The following ACTR3C variants were observed in gnomAD, a reference collection of about 807,000 sequenced individuals.
The protein encoded by ACTR3C is actin-related protein 3C.
In ACTR3C, 18 loss-of-function variants were observed where a neutral mutation model predicts 26.3. The ratio of observed to expected loss-of-function variants is 0.68; its 90% confidence interval spans 0.47 to 1.01. ACTR3C has a LOEUF of 1.01. ACTR3C is among the 50% of genes least tolerant of loss of function. ACTR3C has a pLI of 0.00. For missense variants in ACTR3C, 184 were observed against 250.7 expected (o/e 0.73, Z 1.80); for synonymous variants, 55 against 94.5 (o/e 0.58, Z 2.42).
the ACTR3C span, among the ~76,000 whole-genome samples, chr7:150,197,374 G>C: frequency 6.6e-6 from 1 of 152,150 alleles, no homozygotes; most frequent in Admixed American, 6.5e-5. Context: ...CGTCTGACTT[G>C]ATCTGAATCA....
the ACTR3C span, chr7:150,073,497 T>C: frequency 6.7e-6 from 1 of 148,494 alleles, no homozygotes; most frequent in Non-Finnish European, 1.5e-5. Context: ...CTATATTAAA[T>C]TCATATTTTT....
chr7:150,284,573 T>G (rs958769197), intron 6 of ACTR3C, among the ~76,000 whole-genome samples, 180 bp downstream of exon 6: 1 of 151,976 alleles, frequency 6.6e-6, no homozygotes, highest in African/African-American at 2.4e-5. Flanking sequence ...AAATAAAAAT[T>G]CTAGTTAACT....
At chr7:150,010,647 T>C in the ACTR3C span, among the ~76,000 whole-genome samples, 1 of 149,178 alleles carries the variant, frequency 6.7e-6, no homozygotes, top group Non-Finnish European at 1.5e-5. Context: ...TGAGCCGAGA[T>C]TGCGCCACTG....
the ACTR3C span, among the ~76,000 whole-genome samples, chr7:150,021,125 T>C: frequency 7.8e-3 from 1,183 of 151,664 alleles, 10 homozygotes; most frequent in Middle Eastern, 0.014. Flanking sequence ...CCAGCCTTTT[T>C]TTTTTAAAAA....
At chr7:150,298,391 C>T (rs1294353504) in intron 1 of ACTR3C, among the ~76,000 whole-genome samples, 7 of 150,226 alleles carry the variant, frequency 4.7e-5, no homozygotes, top group Admixed American at 1.3e-4. Flanking sequence ...AAATTAAGAC[C>T]AAACATATCT....
At chr7:150,185,274 G>GGGGTGTGTGTGTGT in the ACTR3C span, among the ~76,000 whole-genome samples, 1 of 124,272 alleles carries the variant, frequency 8.0e-6, no homozygotes, top group African/African-American at 3.0e-5. Flanking sequence ...TTAAATGTCA[G>GGGGTGTGTGTGTGT]GCGTGTGTGT....
chr7:150,322,086 T>C (rs1313949412), intron 1 of ACTR3C, among the ~76,000 whole-genome samples: 1 of 152,266 alleles, frequency 6.6e-6, no homozygotes, highest in Non-Finnish European at 1.5e-5. Flanking sequence ...ACATGACTTC[T>C]TCGGCTCCCA....
At chr7:150,195,100 CATATATGTATATATATATATATGTATAT>C in the ACTR3C span, among the ~76,000 whole-genome samples, 1 of 137,898 alleles carries the variant, frequency 7.3e-6, no homozygotes, top group South Asian at 2.3e-4. Context: ...TTTCAAAATA[CATATATGTATATATATATATATGTATAT>C]ATATATATAT....
the ACTR3C span, among the ~76,000 whole-genome samples, chr7:150,090,477 T>C: frequency 1.3e-5 from 2 of 152,250 alleles, no homozygotes; most frequent in South Asian, 4.2e-4. Flanking sequence ...CTGATTTGTA[T>C]TCTTTATTTA....
chr7:150,163,722 C>A, the ACTR3C span, among the ~76,000 whole-genome samples: 1 of 151,928 alleles, frequency 6.6e-6, no homozygotes, highest in African/African-American at 2.4e-5. Flanking sequence ...GAATCCGAGT[C>A]CAAGGGCCAG....
the ACTR3C span, among the ~76,000 whole-genome samples, chr7:150,161,055 G>T: frequency 3.3e-5 from 5 of 150,680 alleles, no homozygotes; most frequent in African/African-American, 1.2e-4. Flanking sequence ...AGTGACCAGA[G>T]GCAGGGAGGG....
At chr7:150,075,902 C>T in the ACTR3C span, among the ~76,000 whole-genome samples, 1 of 152,088 alleles carries the variant, frequency 6.6e-6, no homozygotes, top group East Asian at 1.9e-4. Context: ...CATGGGGAGA[C>T]GAGCCCCTCT....
chr7:150,305,506 C>T (rs1255482324), intron 1 of ACTR3C, among the ~76,000 whole-genome samples: 3 of 152,216 alleles, frequency 2.0e-5, no homozygotes, highest in Non-Finnish European at 2.9e-5. Flanking sequence ...CTCCCCCGCT[C>T]TCGTCACCCT....
At chr7:150,023,302 G>GATAC in the ACTR3C span, among the ~76,000 whole-genome samples, 645 of 42,564 alleles carry the variant, frequency 0.015, 48 homozygotes, top group African/African-American at 0.052. Context: ...TAGATAGATA[G>GATAC]ATAGATAGAT....
At chr7:149,926,544 G>A in the ACTR3C span, among the ~76,000 whole-genome samples, 68,654 of 152,022 alleles carry the variant, frequency 0.45, 16,336 homozygotes, top group Non-Finnish European at 0.53. Flanking sequence ...CTGAGTCTCT[G>A]AGGAGCTTCC....
chr7:150,169,209 A>G, the ACTR3C span, among the ~76,000 whole-genome samples: 5,707 of 148,730 alleles, frequency 0.038, 712 homozygotes, highest in African/African-American at 0.13. Flanking sequence ...GTGAAACCCC[A>G]TCTCTACCAA....
intron 1 of ACTR3C, among the ~76,000 whole-genome samples, chr7:150,305,220 G>C (rs3864525): frequency 6.6e-6 from 1 of 152,078 alleles, no homozygotes; most frequent in Non-Finnish European, 1.5e-5. Flanking sequence ...CTGCATAAAC[G>C]GGCCCTTCCT....
chr7:150,161,701 A>G, the ACTR3C span, among the ~76,000 whole-genome samples: 1 of 152,188 alleles, frequency 6.6e-6, no homozygotes. Context: ...ATGCTGCTAT[A>G]AAGACGCATG....
At chr7:149,986,241 A>G in the ACTR3C span, among the ~76,000 whole-genome samples, 1 of 152,100 alleles carries the variant, frequency 6.6e-6, no homozygotes, top group Non-Finnish European at 1.5e-5. Context: ...CCCACTCAAC[A>G]TTGCCAAAGC....
Sources: allele counts gnomAD v4.1 joint callset (sites outside exome capture counted in the v4.1 genomes callset), GRCh38; gene constraint gnomAD v4.1.1; transcripts MANE v1.5; gene names NCBI Gene and HGNC (gene_info 2026-07-23, HGNC 2026-07-21).